HERC6: variants seen among roughly 807,000 people sequenced by gnomAD.
HERC6 encodes the protein HECT and RLD domain containing E3 ubiquitin protein ligase family member 6, also known as probable E3 ubiquitin-protein ligase HERC6.
HERC6 carries 101 observed loss-of-function variants against 114.5 expected under a neutral mutation model. The observed-to-expected ratio is 0.88, with a 90% CI of 0.75 to 1.04. The LOEUF (loss-of-function observed/expected upper bound fraction) is 1.04, where lower values mean the gene tolerates loss of function less well. Among genes scored for constraint, HERC6 ranks in the 50% least tolerant of loss-of-function variants. The probability of loss-of-function intolerance (pLI) is 0.00; values close to 1 mark genes in which losing one functional copy is unlikely to be tolerated. For missense variants in HERC6, 1,133 were observed against 1,230.9 expected (o/e 0.92, Z 1.19); for synonymous variants, 408 against 436.2 (o/e 0.94, Z 0.81).
chr4:88,434,033 A>G (rs1738501976), intron 17 of HERC6, among the ~76,000 whole-genome samples: 1 of 152,212 alleles, frequency 6.6e-6, no homozygotes. Context: ...TGGGATATTC[A>G]AATTATTACA....
chr4:88,430,717 T>C (rs1738111557), intron 16 of HERC6, among the ~76,000 whole-genome samples: 1 of 152,182 alleles, frequency 6.6e-6, no homozygotes, highest in East Asian at 1.9e-4. Context: ...AGGGCTGTTT[T>C]GCAGAAGCCC....
intron 17 of HERC6, 55 bp downstream of exon 17, chr4:88,431,360 T>G (rs1197953010): frequency 6.5e-7 from 1 of 1,538,232 alleles, no homozygotes; most frequent in African/African-American, 1.4e-5. Flanking sequence ...CCCCATATAC[T>G]GCAACATTAA....
chr4:88,418,641 T>C (rs1736736196), intron 13 of HERC6, among the ~76,000 whole-genome samples: 2 of 152,240 alleles, frequency 1.3e-5, no homozygotes, highest in African/African-American at 4.8e-5. Flanking sequence ...GCTCATTGCC[T>C]GGCCTTCAGG....
At chr4:88,410,666 G>A (rs140569933) in intron 11 of HERC6, among the ~76,000 whole-genome samples, 16 of 152,182 alleles carry the variant, frequency 1.1e-4, no homozygotes, top group African/African-American at 3.1e-4. Context: ...AACACATTTA[G>A]CCTATAGCAC....
intron 3 of HERC6, among the ~76,000 whole-genome samples, chr4:88,388,549 CAAAAA>C (rs76168315): frequency 0.083 from 7,684 of 92,422 alleles, 251 homozygotes; most frequent in South Asian, 0.22. Context: ...AGACTCGTCT[CAAAAA>C]AAAAAAAAAA....
At chr4:88,379,778 T>TATAA (rs1362032207) in intron 1 of HERC6, among the ~76,000 whole-genome samples, 28 of 54,644 alleles carry the variant, frequency 5.1e-4, no homozygotes, top group Admixed American at 6.6e-4. Flanking sequence ...TATATAAATA[T>TATAA]ATATATAACA....
chr4:88,423,156 G>A (rs1306018659), intron 13 of HERC6, among the ~76,000 whole-genome samples: 1 of 148,964 alleles, frequency 6.7e-6, no homozygotes, highest in Non-Finnish European at 1.5e-5. Context: ...CTGTATATTT[G>A]TTTTTCATTT....
intron 2 of HERC6, among the ~76,000 whole-genome samples, chr4:88,384,196 C>T (rs890362391): frequency 6.6e-6 from 1 of 152,202 alleles, no homozygotes; most frequent in Non-Finnish European, 1.5e-5. Flanking sequence ...TACTTTCCCA[C>T]TGAAGTCCCA....
chr4:88,436,177 T>C (rs979300989), intron 18 of HERC6, among the ~76,000 whole-genome samples: 1 of 152,162 alleles, frequency 6.6e-6, no homozygotes, highest in Non-Finnish European at 1.5e-5. Context: ...AATATATATG[T>C]GCATCATCAC....
chr4:88,395,638 GTACAA>G (rs1280300329), intron 5 of HERC6, among the ~76,000 whole-genome samples: 1 of 151,786 alleles, frequency 6.6e-6, no homozygotes, highest in African/African-American at 2.4e-5. Flanking sequence ...TCACCATGCT[GTACAA>G]TACATCACCA....
intron 3 of HERC6, 41 bp downstream of exon 3, chr4:88,385,616 A>AT (rs1734532159): frequency 9.6e-7 from 1 of 1,043,652 alleles, no homozygotes; most frequent in East Asian, 2.7e-5. Flanking sequence ...GTAGGAAGTA[A>AT]TTTTTTGAAT....
At position 88,416,713 on chromosome 4, in the gene HERC6, C is replaced by A. The variant is rs866059388; in HGVS notation, c.1559-712C>A. 5.3e-5 allele frequency among the ~76,000 whole-genome samples: 8 copies of A among 152,010 alleles called. No homozygotes were observed. In the South Asian group the frequency reaches 1.2e-3, roughly 24 times the overall value. ...AGTTTTCCCCACATATTTATTAAATCTTTTTCATTCCCACTAATATGCAAT... is the reference window on the plus strand; with the variant it reads ...AGTTTTCCCCACATATTTATTAAATATTTTTCATTCCCACTAATATGCAAT... On this transcript the variant is annotated intron_variant, in intron 12 of 22. Coordinates refer to ENST00000264346, the MANE Select transcript of HERC6 (RefSeq NM_017912.4).
In HERC6 at chr4:88,393,489, GCAAAGCAA is replaced by G; in HGVS notation, c.670_677del (p.Ser224AlafsTer19). Reference sequence around the variant, plus strand: ...AGAGATTCTGCTTTCTTTCAACAGTGCAAAGCAACAAGCCTCTCTCAGTCGGTGCACTG... The same window carrying G: ...AGAGATTCTGCTTTCTTTCAACAGTGCAAGCCTCTCTCAGTCGGTGCACTG... On this transcript the variant is annotated frameshift_variant and splice_region_variant, in exon 5 of 23. Transcript: ENST00000264346. LOFTEE classifies it high-confidence loss of function. The G allele has an allele frequency of 6.2e-7, 1 of 1,604,450 alleles. No homozygotes were observed. Among genetic ancestry groups the G allele is most frequent in the Non-Finnish European group, 8.5e-7 (1 of 1,173,060 alleles).
At chr4:88,428,838 G>C in intron 16 of HERC6, 88 bp downstream of exon 16, 1 of 1,113,752 alleles carries the variant, frequency 9.0e-7, no homozygotes, top group Non-Finnish European at 1.2e-6. Context: ...AAAAGAGCCT[G>C]CATTTGCCTC....
At chr4:88,394,474 CAAA>C (rs781425955) in intron 5 of HERC6, among the ~76,000 whole-genome samples, 2 of 42,896 alleles carry the variant, frequency 4.7e-5, no homozygotes, top group Admixed American at 2.7e-4. Flanking sequence ...CTCTCCTGTC[CAAA>C]AAAAAAAAAA....
At chr4:88,408,665 T>A (rs2148896343) in intron 11 of HERC6, 48 bp downstream of exon 11, 1 of 1,247,184 alleles carries the variant, frequency 8.0e-7, no homozygotes, top group East Asian at 2.5e-5. Flanking sequence ...CGATTGCAGT[T>A]TATTTTTGTT....
At chr4:88,438,472 G>A (rs552841052) in intron 20 of HERC6, among the ~76,000 whole-genome samples, 9 of 152,190 alleles carry the variant, frequency 5.9e-5, no homozygotes, top group African/African-American at 1.9e-4. Flanking sequence ...TCGAATTCCT[G>A]AGCTCAGGCA....
intron 4 of HERC6, among the ~76,000 whole-genome samples, chr4:88,391,386 C>T (rs1011512851): frequency 1.3e-5 from 2 of 152,198 alleles, no homozygotes; most frequent in African/African-American, 2.4e-5. Context: ...GCGCATCTCC[C>T]TTGTTTTAAG....
intron 10 of HERC6, 129 bp from the exon 11 acceptor site, chr4:88,408,395 T>C (rs1735911853): frequency 4.4e-6 from 3 of 679,130 alleles, no homozygotes; most frequent in Non-Finnish European, 5.3e-6. Context: ...GTTGATTATT[T>C]TGAAAGGAGG....
Sources: gnomAD v4.1 joint callset for allele counts (sites outside exome capture counted in the v4.1 genomes callset) on GRCh38, gnomAD v4.1.1 for gene constraint, MANE v1.5 for transcripts, NCBI Gene and HGNC (gene_info 2026-07-23, HGNC 2026-07-21) for gene names.